Variants in FRMD4A observed in about 807,000 individuals in gnomAD.
The protein encoded by FRMD4A is FERM domain containing 4A, also known as FERM domain-containing protein 4A.
In FRMD4A, 29 loss-of-function variants were observed where a neutral mutation model predicts 129.1. That is an observed-to-expected ratio of 0.22 (90% CI 0.17 to 0.31). FRMD4A has a LOEUF of 0.31. Ranked by LOEUF, FRMD4A falls within the 10% of genes least tolerant of loss-of-function variation. The pLI is 1.00. For synonymous variants in FRMD4A, 634 were observed against 571.6 expected (o/e 1.11, Z -1.56); for missense variants, 1,272 against 1,375.8 (o/e 0.92, Z 1.19).
chr10:13,681,905 T>C (rs931375996), intron 15 of FRMD4A, among the ~76,000 whole-genome samples: 1 of 152,134 alleles, frequency 6.6e-6, no homozygotes, highest in African/African-American at 2.4e-5. Context: ...AAGTGTTACA[T>C]GAATACCAGT....
intron 2 of FRMD4A, among the ~76,000 whole-genome samples, chr10:14,312,461 A>G (rs917703416): frequency 5.9e-5 from 9 of 152,228 alleles, no homozygotes; most frequent in African/African-American, 2.2e-4. Flanking sequence ...AAAATTTAAA[A>G]TGATATACCT....
intron 2 of FRMD4A, among the ~76,000 whole-genome samples, chr10:14,292,538 G>A (rs1274508096): frequency 5.9e-5 from 9 of 152,282 alleles, no homozygotes; most frequent in East Asian, 3.9e-4. Flanking sequence ...GGTGGCTCAC[G>A]CCTGTAATCC....
At chr10:13,791,199 T>C (rs2092992318) in intron 5 of FRMD4A, among the ~76,000 whole-genome samples, 1 of 152,134 alleles carries the variant, frequency 6.6e-6, no homozygotes, top group South Asian at 2.1e-4. Context: ...AACATCTTCT[T>C]AGAGCAAAAG....
At chr10:13,807,930 C>T (rs1166121349) in intron 4 of FRMD4A, among the ~76,000 whole-genome samples, 1 of 152,014 alleles carries the variant, frequency 6.6e-6, no homozygotes, top group Non-Finnish European at 1.5e-5. Flanking sequence ...TCCCAAACAG[C>T]TAGGATTATG....
intron 3 of FRMD4A, among the ~76,000 whole-genome samples, chr10:13,829,417 G>A (rs1423173617): frequency 6.6e-6 from 1 of 152,082 alleles, no homozygotes; most frequent in Non-Finnish European, 1.5e-5. Context: ...CCCAGCACAG[G>A]AGTTTGAGGC....
At position 14,330,180 on chromosome 10, in the gene FRMD4A, G is replaced by A; in HGVS notation, c.-78C>T. 6.9e-7 allele frequency: 1 copy of A among 1,453,094 alleles called. No homozygotes were observed. The highest frequency in any genetic ancestry group is 1.4e-5 in the African/African-American group (1 of 71,170). The allele number at this position is 1,453,094 out of a possible 1,614,324, so 90.0% of individuals were successfully genotyped here. A position where few individuals can be genotyped will look rare whatever the true frequency, so the allele number is the denominator to read the frequency against. ...CCGGGTGGCTACAGAGCATCCAAAA[G>A]CACCTGCAGAAAAAGCAGCCAAAAT... On this transcript the variant is annotated 5_prime_UTR_variant, in exon 2 of 25. Transcript: ENST00000357447.
At chr10:13,997,335 G>T (rs902159124) in intron 2 of FRMD4A, among the ~76,000 whole-genome samples, 2 of 152,144 alleles carry the variant, frequency 1.3e-5, no homozygotes, top group Non-Finnish European at 2.9e-5. Flanking sequence ...CTCTACCATG[G>T]TCTCTAATTG....
At chr10:14,261,205 A>C (rs536433069) in intron 2 of FRMD4A, among the ~76,000 whole-genome samples, 2 of 152,324 alleles carry the variant, frequency 1.3e-5, no homozygotes, top group African/African-American at 4.8e-5. Context: ...GCGTGGAACC[A>C]TGATTTAGGA....
intron 2 of FRMD4A, among the ~76,000 whole-genome samples, chr10:13,922,265 G>A (rs1565043871): frequency 6.6e-6 from 1 of 150,880 alleles, no homozygotes; most frequent in East Asian, 1.9e-4. Flanking sequence ...CAATTCATCT[G>A]TCTATCCCTT....
intron 2 of FRMD4A, among the ~76,000 whole-genome samples, chr10:14,015,765 G>T (rs1012514166): frequency 6.6e-6 from 1 of 152,086 alleles, no homozygotes; most frequent in Non-Finnish European, 1.5e-5. Flanking sequence ...ATAAAATAAG[G>T]CAATTCTCTT....
intron 2 of FRMD4A, among the ~76,000 whole-genome samples, chr10:13,915,800 G>T (rs2094996108): frequency 6.6e-6 from 1 of 152,054 alleles, no homozygotes; most frequent in Admixed American, 6.5e-5. Context: ...GAGTGTTCCT[G>T]CAGAGGCTGG....
At chr10:13,877,835 C>A (rs1340878811) in intron 2 of FRMD4A, among the ~76,000 whole-genome samples, 1 of 152,180 alleles carries the variant, frequency 6.6e-6, no homozygotes, top group African/African-American at 2.4e-5. Context: ...GAGATCTGCC[C>A]CTGGGCGCCT....
chr10:14,015,260 C>A (rs1314377386), intron 2 of FRMD4A, among the ~76,000 whole-genome samples: 1 of 88,250 alleles, frequency 1.1e-5, no homozygotes, highest in African/African-American at 4.5e-5. Context: ...TCCCTTCCTT[C>A]CTTTCCTTCC....
chr10:13,811,573 A>G (rs968093350), intron 3 of FRMD4A, among the ~76,000 whole-genome samples: 4 of 36,872 alleles, frequency 1.1e-4, no homozygotes, highest in Non-Finnish European at 1.8e-4. Context: ...CTCTGCCTCA[A>G]AAAAAAAAAA....
At chr10:13,679,488 C>T (rs868737100) in intron 15 of FRMD4A, among the ~76,000 whole-genome samples, 19 of 118,670 alleles carry the variant, frequency 1.6e-4, no homozygotes, top group African/African-American at 3.6e-4. Context: ...CACACACACA[C>T]ACACACACAC....
At chr10:14,030,382 A>C (rs1833181233) in intron 2 of FRMD4A, among the ~76,000 whole-genome samples, 1 of 152,258 alleles carries the variant, frequency 6.6e-6, no homozygotes, top group Non-Finnish European at 1.5e-5. Context: ...GGAACATTAC[A>C]TCATACACCT....
At chr10:13,826,214 C>A (rs145581752) in intron 3 of FRMD4A, among the ~76,000 whole-genome samples, 1 of 152,312 alleles carries the variant, frequency 6.6e-6, no homozygotes, top group South Asian at 2.1e-4. Flanking sequence ...TTAAAATTAT[C>A]CCCTCCTCAC....
chr10:13,894,867 A>G (rs1435923739), intron 2 of FRMD4A, among the ~76,000 whole-genome samples: 1 of 152,208 alleles, frequency 6.6e-6, no homozygotes, highest in East Asian at 1.9e-4. Context: ...GACTGAAGCC[A>G]TTCTGCCTGG....
intron 2 of FRMD4A, among the ~76,000 whole-genome samples, chr10:14,211,904 A>T (rs1445515498): frequency 1.3e-5 from 2 of 152,190 alleles, no homozygotes; most frequent in Non-Finnish European, 2.9e-5. Context: ...TAAAAGCCTG[A>T]TTATCTCTCA....
Sources: allele counts gnomAD v4.1 joint callset (sites outside exome capture counted in the v4.1 genomes callset), GRCh38; gene constraint gnomAD v4.1.1; transcripts MANE v1.5; gene names NCBI Gene and HGNC (gene_info 2026-07-23, HGNC 2026-07-21).